Variants in MACROD2 observed in about 807,000 individuals in gnomAD.
MACROD2 encodes ADP-ribose glycohydrolase MACROD2.
MACROD2 carries 36 observed loss-of-function variants against 70.4 expected under a neutral mutation model. The observed-to-expected ratio is 0.51, with a 90% confidence interval of 0.39 to 0.68. The LOEUF (loss-of-function observed/expected upper bound fraction) is 0.68. Ranked by LOEUF, MACROD2 falls within the 30% of genes least tolerant of loss-of-function variation. MACROD2 has a pLI of 0.00. For missense variants in MACROD2, 496 were observed against 538.4 expected, an observed-to-expected ratio of 0.92 and a Z score of 0.78; for synonymous variants, 172 against 178.8, an observed-to-expected ratio of 0.96 and a Z score of 0.30.
chr20:15,486,265 A>G (rs1287942059), intron 7 of MACROD2, among the ~76,000 whole-genome samples: 8 of 152,182 alleles, frequency 5.3e-5, no homozygotes, highest in African/African-American at 2.4e-5. Context: ...ACTTCCAGTC[A>G]TCACTCTGTG....
rs537997823 is a variant in MACROD2, at chr20:14,463,142, C to T, written c.272-30337C>T. Reference sequence around the variant, plus strand: ...ACCTTGGGCAGTATGGCCATTTTCACGCTATTGATTCTTCCTACCCATGAG... The same window carrying T: ...ACCTTGGGCAGTATGGCCATTTTCATGCTATTGATTCTTCCTACCCATGAG... On this transcript the variant is annotated intron_variant, in intron 3 of 17. Coordinates refer to ENST00000684519, the MANE Select transcript of MACROD2 (RefSeq NM_001351661.2). Among the ~76,000 whole-genome samples, 58 of 152,132 alleles carry T rather than the reference C, an allele frequency of 3.8e-4. No homozygotes were observed. In the South Asian group the frequency reaches 5.0e-3, roughly 13 times the overall value.
intron 8 of MACROD2, among the ~76,000 whole-genome samples, chr20:15,692,619 G>A (rs377631993): frequency 1.3e-5 from 2 of 152,122 alleles, no homozygotes; most frequent in East Asian, 1.9e-4. Context: ...AAGAAGGTGA[G>A]GGCAGGGGTA....
chr20:14,925,608 C>T (rs1440496889), intron 5 of MACROD2, among the ~76,000 whole-genome samples: 1 of 152,152 alleles, frequency 6.6e-6, no homozygotes, highest in East Asian at 1.9e-4. Flanking sequence ...CTAAAGTTCT[C>T]TGCATATGGG....
intron 3 of MACROD2, among the ~76,000 whole-genome samples, chr20:14,393,289 A>AT (rs1221477573): frequency 6.6e-6 from 1 of 152,162 alleles, no homozygotes; most frequent in African/African-American, 2.4e-5. Context: ...TTCATAAGGA[A>AT]TGGAGGAATG....
At chr20:14,233,021 G>C (rs2081832811) in intron 3 of MACROD2, among the ~76,000 whole-genome samples, 1 of 152,198 alleles carries the variant, frequency 6.6e-6, no homozygotes, top group Non-Finnish European at 1.5e-5. Context: ...GGAATAGGGA[G>C]GCTGGAGGAG....
At chr20:14,528,737 G>A (rs918761690) in intron 4 of MACROD2, among the ~76,000 whole-genome samples, 8 of 152,046 alleles carry the variant, frequency 5.3e-5, no homozygotes, top group Admixed American at 5.2e-4. Flanking sequence ...TCCAGAAAAC[G>A]GACATGGACC....
chr20:15,901,504 T>C (rs1265398573), intron 10 of MACROD2, among the ~76,000 whole-genome samples: 2 of 152,224 alleles, frequency 1.3e-5, no homozygotes, highest in East Asian at 3.9e-4. Context: ...TACCGCACTC[T>C]AGAGTGGCCT....
At chr20:15,199,180 C>A (rs1465300559) in intron 5 of MACROD2, among the ~76,000 whole-genome samples, 1 of 151,786 alleles carries the variant, frequency 6.6e-6, no homozygotes, top group Admixed American at 6.6e-5. Flanking sequence ...AATATAGAGA[C>A]CTCATGTCTA....
chr20:14,730,745 C>A (rs1051500774), intron 5 of MACROD2, among the ~76,000 whole-genome samples: 7 of 151,644 alleles, frequency 4.6e-5, no homozygotes, highest in African/African-American at 1.7e-4. Context: ...ACTGTATAAA[C>A]CAATAATAGC....
At chr20:15,468,279 A>G (rs2046921246) in intron 7 of MACROD2, among the ~76,000 whole-genome samples, 1 of 152,088 alleles carries the variant, frequency 6.6e-6, no homozygotes, top group Non-Finnish European at 1.5e-5. Context: ...TACTTCCTCC[A>G]TACTTCTATT....
intron 5 of MACROD2, among the ~76,000 whole-genome samples, chr20:15,007,572 C>T (rs2075049400): frequency 6.6e-6 from 1 of 152,140 alleles, no homozygotes; most frequent in Non-Finnish European, 1.5e-5. Flanking sequence ...AAACAGAAAC[C>T]ACTTTAGGTA....
At chr20:14,299,868 A>G (rs2082459990) in intron 3 of MACROD2, among the ~76,000 whole-genome samples, 1 of 152,190 alleles carries the variant, frequency 6.6e-6, no homozygotes. Flanking sequence ...ACAGAGAAAG[A>G]CCAGTTAATT....
chr20:15,400,635 G>A (rs2045916069), intron 6 of MACROD2, among the ~76,000 whole-genome samples: 1 of 152,188 alleles, frequency 6.6e-6, no homozygotes, highest in Non-Finnish European at 1.5e-5. Context: ...GTTAATGGTT[G>A]AATGGAAGGG....
chr20:15,696,686 T>TTTG (rs2050379469), intron 8 of MACROD2, among the ~76,000 whole-genome samples: 3 of 150,830 alleles, frequency 2.0e-5, no homozygotes, highest in South Asian at 2.1e-4. Flanking sequence ...GAGTTTTTTT[T>TTTG]TTTTTTTTTT....
In MACROD2 at chr20:15,708,637, G is replaced by A. The variant is rs543588078; in HGVS notation, c.646-154108G>A. On this transcript the variant is annotated intron_variant, in intron 8 of 17. Coordinates refer to ENST00000684519, the MANE Select transcript of MACROD2 (RefSeq NM_001351661.2). ...CACCTGTGATTTCAGCACTTTGGGA[G>A]CGAGGCAGTAGGATTGCTTAAGGCC... Among the ~76,000 whole-genome samples, 3 of 140,898 alleles carry A rather than the reference G, an allele frequency of 2.1e-5. No homozygotes were observed. The South Asian group carries it at 6.4e-4, about 30-fold the overall frequency. 92.4% of individuals were successfully genotyped at this position (140,898 alleles called of 152,430 possible).
chr20:15,642,827 G>C (rs1171639039), intron 8 of MACROD2, among the ~76,000 whole-genome samples: 1 of 152,048 alleles, frequency 6.6e-6, no homozygotes, highest in African/African-American at 2.4e-5. Context: ...TCCTCTCTGA[G>C]CACACTGTAC....
intron 6 of MACROD2, among the ~76,000 whole-genome samples, chr20:15,405,252 C>G (rs910407579): frequency 6.7e-6 from 1 of 149,210 alleles, no homozygotes; most frequent in Admixed American, 6.7e-5. Context: ...AAAAAAAAAA[C>G]CACACTGAAT....
chr20:15,843,702 A>G (rs968066422), intron 8 of MACROD2, among the ~76,000 whole-genome samples: 1 of 152,210 alleles, frequency 6.6e-6, no homozygotes, highest in African/African-American at 2.4e-5. Flanking sequence ...TAAAAAATCA[A>G]TATCATAATA....
intron 4 of MACROD2, among the ~76,000 whole-genome samples, chr20:14,644,748 C>G (rs1277277316): frequency 2.6e-5 from 4 of 152,164 alleles, no homozygotes; most frequent in Non-Finnish European, 5.9e-5. Context: ...CTTGCCTGAA[C>G]TCTGGCTACA....
Sources: gnomAD v4.1 joint callset for allele counts (sites outside exome capture counted in the v4.1 genomes callset) on GRCh38, gnomAD v4.1.1 for gene constraint, MANE v1.5 for transcripts, NCBI Gene and HGNC (gene_info 2026-07-23, HGNC 2026-07-21) for gene names.